IGF2R: variants seen among roughly 807,000 people sequenced by gnomAD.
The protein encoded by IGF2R is insulin like growth factor 2 receptor, also known as cation-independent mannose-6-phosphate receptor.
A neutral mutation model predicts 270.6 loss-of-function variants in IGF2R; 91 were observed. That is an observed-to-expected ratio of 0.34 (90% CI 0.28 to 0.40). The LOEUF (loss-of-function observed/expected upper bound fraction) is 0.40. Among genes scored for constraint, IGF2R ranks in the 10% least tolerant of loss-of-function variants. The pLI, the probability that IGF2R is intolerant of heterozygous loss-of-function variation, is 1.00. For missense variants in IGF2R, 2,805 were observed against 3,188.3 expected (o/e 0.88, Z 2.90); for synonymous variants, 1,316 against 1,258.9 (o/e 1.05, Z -0.96).
Position 160,107,808 on chromosome 6 carries a change from TATAGAC to T in IGF2R, c.*2728_*2733del, listed in dbSNP as rs1159134890. The T allele has an allele frequency of 6.6e-6, 1 of 152,186 alleles. No individual in the cohort carries two copies. Among genetic ancestry groups the T allele is most frequent in the Non-Finnish European group, 1.5e-5 (1 of 68,026 alleles). The allele number at this position is 152,186 out of a possible 1,614,324, so 9.4% of individuals were successfully genotyped here. On this transcript the variant is annotated 3_prime_UTR_variant, in exon 48 of 48. Transcript: ENST00000356956. Reference sequence around the variant, plus strand: ...CGAGATGATTCCTCAGGAAGGAACATATAGACATACAGACAGGAGACAACATATAGA... The same window carrying T: ...CGAGATGATTCCTCAGGAAGGAACATATACAGACAGGAGACAACATATAGA...
At chr6:160,049,216 A>G (rs1328239467) in intron 18 of IGF2R, among the ~76,000 whole-genome samples, 9 of 152,180 alleles carry the variant, frequency 5.9e-5, no homozygotes, top group Non-Finnish European at 5.9e-5. Context: ...ACCTCTGCAC[A>G]TGTGTGTTCT....
chr6:160,008,014 T>G (rs191255897), intron 2 of IGF2R, among the ~76,000 whole-genome samples: 52 of 152,342 alleles, frequency 3.4e-4, no homozygotes, highest in African/African-American at 1.1e-3. Context: ...ATTGGAAGAA[T>G]AATTATCTTT....
rs761815480 is a variant in IGF2R at position 160,044,582 on chromosome 6, C to G, written c.1690C>G (p.Leu564Val). The change falls in exon 13 of 48, where the codon CTC becomes GTC. Residue 564 changes from leucine to valine, a missense_variant. By Grantham distance (32) the Leu-to-Val change is conservative. Coordinates refer to ENST00000356956, the MANE Select transcript of IGF2R (RefSeq NM_000876.4). ...SPMKEKGNIQ[L>V]SYSDGDDCGH... Reference sequence around the variant, plus strand: ...CATGAAAGAGAAAGGAAACATTCAACTCTCTTATTCAGATGGTGATGATTG... The same window carrying G: ...CATGAAAGAGAAAGGAAACATTCAAGTCTCTTATTCAGATGGTGATGATTG... 7 of 1,607,610 alleles carry G rather than the reference C, an allele frequency of 4.4e-6. No homozygotes were observed. Among genetic ancestry groups the G allele is most frequent in the Non-Finnish European group, 6.0e-6 (7 of 1,174,822 alleles).
intron 3 of IGF2R, 55 bp from the exon 4 acceptor site, chr6:160,010,632 G>C: frequency 9.3e-7 from 1 of 1,076,844 alleles, no homozygotes; most frequent in South Asian, 1.3e-5. Context: ...TTTTAAAGAA[G>C]AATCTTTACA....
chr6:160,050,649 G>C lies in IGF2R; in HGVS notation c.2691G>C (p.Arg897Ser), dbSNP rs375624444. ...TCCATCTCGTCTGCTCCAGGGGCAG[G>C]CTGGTAAGGCACTGCTGCTGGCTGG... Reference protein sequence around the residue: ...TRIHLVCSRGRLNSHPIFSLN... With the variant: ...TRIHLVCSRGSLNSHPIFSLN... The change falls in exon 19 of 48, where the codon AGG becomes AGC. Residue 897 changes from arginine (R) to serine (S), a missense_variant. By Grantham distance (110) the Arg-to-Ser change is moderately radical (BLOSUM62 -1). Transcript: ENST00000356956. This position sits in a 1 kb window ranked among gnomAD's most constrained non-coding sequence, Gnocchi z 4.0. The C allele has an allele frequency of 6.3e-7, 1 of 1,599,750 alleles. No individual in the cohort carries two copies. The highest frequency in any genetic ancestry group is 8.6e-7 in the Non-Finnish European group (1 of 1,169,188).
Position 160,046,613 on chromosome 6 carries a change from G to T in IGF2R, c.2019G>T (p.Gln673His). Residue 673 changes from glutamine to histidine, a missense_variant, in exon 15 of 48, where the codon CAG (glutamine) becomes CAT (histidine). Gln to His is a conservative substitution (Grantham distance 24, BLOSUM62 0). This residue lies in a region of IGF2R where 954 missense variants were observed against 981.1 expected (regional missense o/e 0.97). Coordinates refer to ENST00000356956, the MANE Select transcript of IGF2R (RefSeq NM_000876.4). ...VCGPVSVSPC[Q>H]PDSGACQVAK... Reference sequence around the variant, plus strand: ...GCCCGGTGTCTGTGAGCCCCTGTCAGCCAGACTCAGGAGCCTGCCAGGTGG... The same window carrying T: ...GCCCGGTGTCTGTGAGCCCCTGTCATCCAGACTCAGGAGCCTGCCAGGTGG... 7 of 1,613,256 alleles carry T rather than the reference G, an allele frequency of 4.3e-6. No homozygotes were observed. Among genetic ancestry groups the T allele is most frequent in the Non-Finnish European group, 5.9e-6 (7 of 1,179,882 alleles).
chr6:160,010,827 C>A (rs770680241), intron 4 of IGF2R, 42 bp downstream of exon 4: 2 of 1,156,276 alleles, frequency 1.7e-6, no homozygotes, highest in Admixed American at 1.8e-5. Flanking sequence ...GAAGTATACT[C>A]TGGGGAACTT....
chr6:160,070,830 C>T (rs1778703368), intron 31 of IGF2R, among the ~76,000 whole-genome samples: 1 of 152,138 alleles, frequency 6.6e-6, no homozygotes, highest in South Asian at 2.1e-4. Flanking sequence ...ATGGGGGGCT[C>T]CAGGAGCTTC....
Position 160,104,742 on chromosome 6 carries a change from T to G in IGF2R, c.7134T>G (p.Pro2378=), listed in dbSNP as rs749673359. ...EWLMEEIQLP[P]PRQGKEGQEN... is the part of the protein sequence containing the mutation. ...TGATGGAAGAGATCCAGCTGCCTCC[T>G]CCACGGCAGGGAAAGGAAGGGCAGG... The change falls in exon 48 of 48, where the codon CCT becomes CCG. Residue 2378 remains proline, a synonymous_variant. Coordinates refer to ENST00000356956, the MANE Select transcript of IGF2R (RefSeq NM_000876.4). 16 of 1,613,892 alleles carry G rather than the reference T, an allele frequency of 9.9e-6. No individual in the cohort carries two copies. The highest frequency in any genetic ancestry group is 1.4e-5 in the Non-Finnish European group (16 of 1,180,008).
At chr6:159,970,119 G>A (rs1474469264) in intron 1 of IGF2R, among the ~76,000 whole-genome samples, 6 of 152,056 alleles carry the variant, frequency 3.9e-5, no homozygotes, top group South Asian at 4.1e-4. Flanking sequence ...AGTGGATCTT[G>A]CTCTGGGAAC....
chr6:160,093,551 G>A, intron 44 of IGF2R: 1 of 640,386 alleles, frequency 1.6e-6, no homozygotes, highest in South Asian at 1.6e-5. Flanking sequence ...GAGAGAACAG[G>A]ACGATTTCCA....
chr6:160,015,408 A>C (rs970827582), intron 4 of IGF2R, among the ~76,000 whole-genome samples: 1 of 152,060 alleles, frequency 6.6e-6, no homozygotes, highest in African/African-American at 2.4e-5. Flanking sequence ...GGCCTTTTTT[A>C]CTCTGGGGGG....
intron 46 of IGF2R, among the ~76,000 whole-genome samples, 180 bp from the exon 47 acceptor site, chr6:160,103,566 A>T (rs907113779): frequency 6.6e-6 from 1 of 152,032 alleles, no homozygotes; most frequent in Non-Finnish European, 1.5e-5. Flanking sequence ...CTCAATCACA[A>T]CAAATACATT....
intron 1 of IGF2R, among the ~76,000 whole-genome samples, chr6:159,980,142 C>CTTGGCCACTTTGTGAATTTG: frequency 6.7e-6 from 1 of 149,780 alleles, no homozygotes; most frequent in South Asian, 2.1e-4. Context: ...GATCGCACCG[C>CTTGGCCACTTTGTGAATTTG]TGCACTCCAG....
Position 160,105,064 on chromosome 6 carries a change from G to T in IGF2R, c.7456G>T (p.Glu2486Ter), listed in dbSNP as rs927638325. 2.5e-6 allele frequency: 4 copies of T among 1,595,180 alleles called. No individual in the cohort carries two copies. Among genetic ancestry groups the T allele is most frequent in the Non-Finnish European group, 3.4e-6 (4 of 1,170,460 alleles). ...GGTGTCCTTCCATGACGACAGCGAC[G>T]AGGACCTCTTACACATCTGACTCCG... Reference protein sequence around the residue: ...KLVSFHDDSDEDLLHI With the variant: ...KLVSFHDDSD Residue 2486 changes from glutamate (E) to a stop codon, truncating the protein, a stop_gained, in exon 48 of 48, where the codon GAG (glutamate) becomes TAG (stop). Coordinates refer to ENST00000356956, the MANE Select transcript of IGF2R (RefSeq NM_000876.4). LOFTEE classifies it high-confidence loss of function.
intron 4 of IGF2R, among the ~76,000 whole-genome samples, chr6:160,018,662 A>G (rs1162840677): frequency 6.6e-6 from 1 of 152,222 alleles, no homozygotes; most frequent in East Asian, 1.9e-4. Context: ...ATCAATTCAC[A>G]GAGAAACTCT....
chr6:160,033,932 C>T (rs1777755684), intron 9 of IGF2R, among the ~76,000 whole-genome samples: 1 of 152,126 alleles, frequency 6.6e-6, no homozygotes, highest in South Asian at 2.1e-4. Flanking sequence ...AAATTAGGAA[C>T]AGAAAACTGC....
intron 18 of IGF2R, among the ~76,000 whole-genome samples, chr6:160,048,943 C>G (rs1406189075): frequency 1.3e-5 from 2 of 152,126 alleles, no homozygotes; most frequent in Admixed American, 6.5e-5. Context: ...GTGGATGAAC[C>G]AGATTCAAGC....
chr6:160,037,322 C>A (rs1777849404), intron 10 of IGF2R, among the ~76,000 whole-genome samples: 1 of 152,184 alleles, frequency 6.6e-6, no homozygotes, highest in South Asian at 2.1e-4. Context: ...CTTACATTTC[C>A]TTCCAGCTCT....
Sources: gnomAD v4.1 joint callset for allele counts (sites outside exome capture counted in the v4.1 genomes callset) on GRCh38, gnomAD v4.1.1 for gene constraint, gnomAD v4.1.1 regional missense constraint, Gnocchi (gnomAD v3.1) non-coding constraint, MANE v1.5 for transcripts, NCBI Gene and HGNC (gene_info 2026-07-23, HGNC 2026-07-21) for gene names.